Variants in ZFAND3 observed in about 807,000 individuals in gnomAD.
The protein encoded by ZFAND3 is AN1-type zinc finger protein 3.
A neutral mutation model predicts 29.6 loss-of-function variants in ZFAND3; 10 were observed. The observed-to-expected ratio is 0.34, with a 90% CI of 0.21 to 0.57. ZFAND3 has a LOEUF of 0.57. ZFAND3 is among the 20% of genes least tolerant of loss of function. ZFAND3 has a pLI of 0.86. For synonymous variants in ZFAND3, 128 were observed against 112.6 expected (o/e 1.14, Z -0.87); for missense variants, 230 against 304.5 (o/e 0.76, Z 1.82).
chr6:37,839,072 A>G (rs554709396), intron 1 of ZFAND3, among the ~76,000 whole-genome samples: 85 of 152,338 alleles, frequency 5.6e-4, no homozygotes, highest in Non-Finnish European at 9.7e-4. Flanking sequence ...GTTGAGTATC[A>G]TTAAATATGC....
At chr6:37,912,504 A>G (rs1176084643) in intron 1 of ZFAND3, among the ~76,000 whole-genome samples, 2 of 152,170 alleles carry the variant, frequency 1.3e-5, no homozygotes, top group Non-Finnish European at 2.9e-5. Context: ...ACTACACATG[A>G]TAGTACAAAG....
intron 1 of ZFAND3, among the ~76,000 whole-genome samples, chr6:37,900,173 T>G (rs915023954): frequency 6.6e-6 from 1 of 152,216 alleles, no homozygotes; most frequent in Non-Finnish European, 1.5e-5. Flanking sequence ...ATGTAACTAT[T>G]TTAAACAATA....
At chr6:37,871,472 C>T (rs1764694094) in intron 1 of ZFAND3, among the ~76,000 whole-genome samples, 1 of 152,184 alleles carries the variant, frequency 6.6e-6, no homozygotes. Flanking sequence ...TATGTAGCAA[C>T]TAAATGCAGT....
intron 2 of ZFAND3, among the ~76,000 whole-genome samples, chr6:38,022,692 T>C (rs541434482): frequency 6.6e-6 from 1 of 152,374 alleles, no homozygotes; most frequent in South Asian, 2.1e-4. Context: ...CTTGATTTTG[T>C]TTGAGTCTAA....
At chr6:38,112,778 T>C (rs187834313) in intron 4 of ZFAND3, among the ~76,000 whole-genome samples, 356 of 152,290 alleles carry the variant, frequency 2.3e-3, no homozygotes, top group Non-Finnish European at 3.9e-3. Context: ...CATCTGTTTC[T>C]CTTATTTAAG....
chr6:37,969,856 T>G (rs935511324), intron 2 of ZFAND3, among the ~76,000 whole-genome samples: 2 of 152,210 alleles, frequency 1.3e-5, no homozygotes, highest in Non-Finnish European at 2.9e-5. Context: ...ATGGGAACCT[T>G]GCTTAGTAGA....
intron 1 of ZFAND3, among the ~76,000 whole-genome samples, chr6:37,890,904 C>A (rs1765083342): frequency 6.6e-6 from 1 of 152,208 alleles, no homozygotes; most frequent in South Asian, 2.1e-4. Flanking sequence ...AGCCAAATGG[C>A]AGAGCAGGCA....
intron 2 of ZFAND3, among the ~76,000 whole-genome samples, chr6:38,029,666 C>G (rs1763512001): frequency 6.6e-6 from 1 of 152,006 alleles, no homozygotes; most frequent in Non-Finnish European, 1.5e-5. Flanking sequence ...AATTTGGGTA[C>G]TTTAAAAAGG....
intron 1 of ZFAND3, among the ~76,000 whole-genome samples, chr6:37,835,933 T>C (rs892842589): frequency 6.6e-6 from 1 of 152,254 alleles, no homozygotes; most frequent in African/African-American, 2.4e-5. Context: ...TAGTTCCTTC[T>C]TGATGAGTAT....
intron 1 of ZFAND3, among the ~76,000 whole-genome samples, chr6:37,850,756 C>T (rs1764265670): frequency 6.6e-6 from 1 of 152,132 alleles, no homozygotes; most frequent in Non-Finnish European, 1.5e-5. Flanking sequence ...CATTGTTAAG[C>T]GATGCATGAC....
rs923137995 is a variant in ZFAND3, at chr6:38,153,978, T to C, written c.*1589T>C. 2.0e-6 allele frequency: 2 copies of C among 985,386 alleles called. No homozygotes were observed. The highest frequency in any genetic ancestry group is 1.2e-6 in the Non-Finnish European group (1 of 829,952). 61.0% of individuals were successfully genotyped at this position (985,386 alleles called of 1,614,324 possible). On this transcript the variant is annotated 3_prime_UTR_variant, in exon 6 of 6. Transcript: ENST00000287218. The stretch of plus-strand genomic sequence containing the variant: ...AACACCTGCAACTGCAAATGTTTTT[T>C]GATCCGACGTACTGAAATAGGAAGT...
chr6:37,978,528 T>C (rs1489100845), intron 2 of ZFAND3, among the ~76,000 whole-genome samples: 1 of 151,572 alleles, frequency 6.6e-6, no homozygotes, highest in Non-Finnish European at 1.5e-5. Context: ...CTTTAAATGT[T>C]TGATGAGATT....
In ZFAND3 at chr6:37,963,384, A is replaced by G. The variant is rs556712923; in HGVS notation, c.112+33385A>G. ...GAAGTTCATAGCTATTAGTGCCTAC[A>G]TAGAAAAGAATAAAAACTTCAGATA... On this transcript the variant is annotated intron_variant, in intron 2 of 5. Coordinates refer to ENST00000287218, the MANE Select transcript of ZFAND3 (RefSeq NM_021943.3). Among the ~76,000 whole-genome samples the G allele has an allele frequency of 2.6e-5, 4 of 152,338 alleles. No individual in the cohort carries two copies. The South Asian group carries it at 6.2e-4, about 24-fold the overall frequency.
intron 1 of ZFAND3, among the ~76,000 whole-genome samples, chr6:37,890,862 A>G (rs1282729995): frequency 1.4e-4 from 22 of 152,216 alleles, no homozygotes; most frequent in Admixed American, 1.4e-3. Context: ...TTGACAATTC[A>G]TCCTAGTTTT....
At chr6:38,084,591 T>C (rs928044351) in intron 4 of ZFAND3, among the ~76,000 whole-genome samples, 1 of 152,190 alleles carries the variant, frequency 6.6e-6, no homozygotes, top group African/African-American at 2.4e-5. Flanking sequence ...GTACTCAGTT[T>C]TATTAACTGA....
At chr6:38,117,661 A>G (rs1765447820) in intron 5 of ZFAND3, among the ~76,000 whole-genome samples, 1 of 152,112 alleles carries the variant, frequency 6.6e-6, no homozygotes, top group Non-Finnish European at 1.5e-5. Flanking sequence ...TGAGAATCCT[A>G]TTTCTTTCTT....
At chr6:37,873,823 G>A (rs143658411) in intron 1 of ZFAND3, among the ~76,000 whole-genome samples, 2 of 152,302 alleles carry the variant, frequency 1.3e-5, no homozygotes, top group East Asian at 1.9e-4. Context: ...GAACACAAAA[G>A]CAGTTTGTCA....
At chr6:38,025,767 T>G (rs1446419774) in intron 2 of ZFAND3, among the ~76,000 whole-genome samples, 1 of 152,164 alleles carries the variant, frequency 6.6e-6, no homozygotes, top group Non-Finnish European at 1.5e-5. Flanking sequence ...GAGCCAGTCA[T>G]GAAAGACTGT....
At chr6:37,840,291 G>T (rs933424467) in intron 1 of ZFAND3, among the ~76,000 whole-genome samples, 3 of 152,074 alleles carry the variant, frequency 2.0e-5, no homozygotes, top group Non-Finnish European at 4.4e-5. Context: ...TAGAGATGGG[G>T]TTTCACCATG....
Sources: gnomAD v4.1 joint callset for allele counts (sites outside exome capture counted in the v4.1 genomes callset) on GRCh38, gnomAD v4.1.1 for gene constraint, MANE v1.5 for transcripts, NCBI Gene and HGNC (gene_info 2026-07-23, HGNC 2026-07-21) for gene names.